The following MID1 variants were observed in gnomAD, a reference collection of about 807,000 sequenced individuals.
MID1 encodes midline 1, also known as E3 ubiquitin-protein ligase Midline-1.
MID1 carries 7 observed loss-of-function variants against 40.4 expected under a neutral mutation model. The ratio of observed to expected loss-of-function variants is 0.17; its 90% CI spans 0.10 to 0.33. The LOEUF (loss-of-function observed/expected upper bound fraction) is 0.33. MID1 is among the 10% of genes least tolerant of loss of function. The pLI is 1.00. For missense variants in MID1, 367 were observed against 558.5 expected, an observed-to-expected ratio of 0.66 and a Z score of 3.46; for synonymous variants, 229 against 221.2, an observed-to-expected ratio of 1.04 and a Z score of -0.31.
chrX:10,490,862 TC>T (rs768619276), intron 4 of MID1, among the ~76,000 whole-genome samples: 13 of 112,317 alleles, frequency 1.2e-4, no homozygotes, highest in Non-Finnish European at 1.9e-4. Context: ...TTATTAAATG[TC>T]TTCTGCTTTT....
chrX:10,696,350 C>A (rs1186748249), intron 1 of MID1, among the ~76,000 whole-genome samples: 1 of 111,983 alleles, frequency 8.9e-6, no homozygotes, highest in Non-Finnish European at 1.9e-5. Context: ...AGGGAAGAAG[C>A]AGGGGAGAAG....
intron 1 of MID1, among the ~76,000 whole-genome samples, chrX:10,686,246 C>T (rs754799800): frequency 2.7e-5 from 3 of 111,032 alleles, no homozygotes; most frequent in Admixed American, 1.9e-4. Context: ...CCTTAAGGCT[C>T]GGGTGTGCTG....
chrX:10,541,148 T>C (rs780211617), intron 2 of MID1, among the ~76,000 whole-genome samples: 2 of 112,342 alleles, frequency 1.8e-5, no homozygotes, highest in South Asian at 7.5e-4. Context: ...GCTATCTCCT[T>C]CTCTGCTAAA....
chrX:10,606,213 A>C (rs1408252796), intron 1 of MID1, among the ~76,000 whole-genome samples: 2 of 111,227 alleles, frequency 1.8e-5, no homozygotes, highest in Non-Finnish European at 3.8e-5. Flanking sequence ...TTTAATTCTA[A>C]TACAGGTAAG....
chrX:10,553,275 T>C (rs753837778), intron 2 of MID1, among the ~76,000 whole-genome samples: 1 of 102,332 alleles, frequency 9.8e-6, no homozygotes, highest in Non-Finnish European at 1.9e-5. Flanking sequence ...AAAAAAAATA[T>C]ATATATATAT....
intron 1 of MID1, among the ~76,000 whole-genome samples, chrX:10,760,725 G>C (rs986979702): frequency 9.0e-6 from 1 of 111,689 alleles, no homozygotes; most frequent in Non-Finnish European, 1.9e-5. Flanking sequence ...AGGAGGCTGA[G>C]GCAGGAGGAT....
At chrX:10,509,626 A>G (rs1932014285) in intron 3 of MID1, among the ~76,000 whole-genome samples, 1 of 111,278 alleles carries the variant, frequency 9.0e-6, no homozygotes, top group South Asian at 3.8e-4. Context: ...GCTGGGAGGG[A>G]GCTCCTTGTG....
chrX:10,568,553 T>C (rs7880971), intron 1 of MID1, among the ~76,000 whole-genome samples: 11,126 of 110,686 alleles, frequency 0.1, 928 homozygotes, highest in African/African-American at 0.28. Context: ...GCCAAAAAAC[T>C]CCCACCACGG....
intron 9 of MID1, 67 bp from the exon 10 acceptor site, chrX:10,449,783 T>G (rs1928215266): frequency 2.5e-6 from 2 of 798,358 alleles, no homozygotes; most frequent in Non-Finnish European, 3.8e-6. Flanking sequence ...AAATCCGTTC[T>G]GTGGTCCTCA....
Position 10,531,342 on chromosome X carries a change from G to A in MID1, c.661-8155C>T, listed in dbSNP as rs970491480. Among the ~76,000 whole-genome samples, 5 of 111,985 alleles carry A rather than the reference G, an allele frequency of 4.5e-5. No individual in the cohort carries two copies. The East Asian group carries it at 1.1e-3, about 25-fold the overall frequency. On this transcript the variant is annotated intron_variant, in intron 2 of 9. Transcript: ENST00000317552. ...ATCTTCAGGTTTGACTCGACAGACCGCAAATACATGTAATTTAGGTTGTTT... is the reference window on the plus strand; with the variant it reads ...ATCTTCAGGTTTGACTCGACAGACCACAAATACATGTAATTTAGGTTGTTT...
At chrX:10,750,227 T>G (rs1179929272) in intron 1 of MID1, among the ~76,000 whole-genome samples, 1 of 111,572 alleles carries the variant, frequency 9.0e-6, no homozygotes, top group Non-Finnish European at 1.9e-5. Context: ...CACAGAAGTT[T>G]TCATACTCTA....
intron 7 of MID1, among the ~76,000 whole-genome samples, chrX:10,460,748 G>GGTTA (rs1928977056): frequency 9.0e-6 from 1 of 110,866 alleles, no homozygotes; most frequent in South Asian, 3.9e-4. Context: ...CAAGTCAAAG[G>GGTTA]GTTAGTTCCT....
intron 4 of MID1, among the ~76,000 whole-genome samples, chrX:10,483,625 G>A (rs1246038980): frequency 8.9e-6 from 1 of 112,098 alleles, no homozygotes. Context: ...ATTCTGGAAT[G>A]GAAAATAGCC....
intron 1 of MID1, among the ~76,000 whole-genome samples, chrX:10,642,233 C>G (rs60910806): frequency 0.056 from 6,171 of 111,110 alleles, 224 homozygotes; most frequent in African/African-American, 0.13. Context: ...AATTGTCCCT[C>G]TTTGCAGATG....
At chrX:10,770,675 C>T (rs1220744972) in intron 1 of MID1, among the ~76,000 whole-genome samples, 2 of 112,288 alleles carry the variant, frequency 1.8e-5, no homozygotes, top group African/African-American at 6.5e-5. Flanking sequence ...AATCATGTGC[C>T]TCATATTCGT....
At position 10,693,132 on chromosome X, in the gene MID1, G is replaced by A. The variant is rs150000522; in HGVS notation, c.-186-72713C>T. 7.6e-3 allele frequency among the ~76,000 whole-genome samples: 835 copies of A among 109,839 alleles called. 8 individuals carry two copies. The highest frequency in any genetic ancestry group is 9.6e-3 in the Non-Finnish European group (504 of 52,760). Reference sequence around the variant, plus strand: ...TGTTTATAAAAAATAAATTTTGTAAGAAAGATGCAGTAAGTTTGACTAAAC... The same window carrying A: ...TGTTTATAAAAAATAAATTTTGTAAAAAAGATGCAGTAAGTTTGACTAAAC... On this transcript the variant is annotated intron_variant, in intron 1 of 10. Coordinates refer to the MID1 transcript ENST00000380785.
At chrX:10,603,449 T>C (rs184008280) in intron 1 of MID1, among the ~76,000 whole-genome samples, 59 of 112,244 alleles carry the variant, frequency 5.3e-4, no homozygotes, top group Middle Eastern at 4.6e-3. Context: ...AAGGTCACTG[T>C]GTATTAGAAA....
intron 9 of MID1, among the ~76,000 whole-genome samples, chrX:10,453,641 T>A (rs752930972): frequency 8.9e-6 from 1 of 112,346 alleles, no homozygotes; most frequent in African/African-American, 3.2e-5. Flanking sequence ...AACGCAGCCA[T>A]GTCCATTTGT....
intron 1 of MID1, among the ~76,000 whole-genome samples, chrX:10,635,514 A>T (rs978269029): frequency 1.8e-5 from 2 of 111,598 alleles, no homozygotes; most frequent in African/African-American, 6.5e-5. Context: ...AACTCAATTG[A>T]TTTTTCTGTA....
Sources: allele counts gnomAD v4.1 joint callset (sites outside exome capture counted in the v4.1 genomes callset), GRCh38; gene constraint gnomAD v4.1.1; transcripts MANE v1.5; gene names NCBI Gene and HGNC (gene_info 2026-07-23, HGNC 2026-07-21).